ERMP1: variants seen among roughly 807,000 people sequenced by gnomAD.
ERMP1 encodes the protein endoplasmic reticulum metallopeptidase 1.
In ERMP1, 86 loss-of-function variants were observed where a neutral mutation model predicts 92.0. The observed-to-expected ratio is 0.93, with a 90% CI of 0.79 to 1.12. The LOEUF (loss-of-function observed/expected upper bound fraction) is 1.12. Among genes scored for constraint, ERMP1 ranks in the 50% most tolerant of loss-of-function variants. The probability of loss-of-function intolerance (pLI) is 0.00; values close to 1 mark genes in which losing one functional copy is unlikely to be tolerated. For missense variants in ERMP1, 1,342 were observed against 1,116.3 expected (o/e 1.20, Z -2.88); for synonymous variants, 530 against 412.8 (o/e 1.28, Z -3.44).
At chr9:5,833,191 C>T, upstream of ERMP1, 1 of 632,584 alleles carries the variant, frequency 1.6e-6, no homozygotes, top group East Asian at 3.4e-5. Flanking sequence ...GACCCAGCTT[C>T]TTTGGCAGTT....
At chr9:5,866,087 G>A (rs1177075674) in intron 5 of ERMP1, among the ~76,000 whole-genome samples, 5 of 151,764 alleles carry the variant, frequency 3.3e-5, no homozygotes, top group East Asian at 3.9e-4. Context: ...ATTGTTGTAC[G>A]GTAGAATATA....
At chr9:5,805,394 G>C (rs1828832325) in intron 9 of ERMP1, among the ~76,000 whole-genome samples, 177 bp from the exon 10 acceptor site, 1 of 151,986 alleles carries the variant, frequency 6.6e-6, no homozygotes, top group South Asian at 2.1e-4. Context: ...ATACAAATAA[G>C]AATAAAGCAA....
At chr9:5,802,142 C>T (rs987173175) in intron 10 of ERMP1, among the ~76,000 whole-genome samples, 3 of 152,074 alleles carry the variant, frequency 2.0e-5, no homozygotes, top group African/African-American at 4.8e-5. Context: ...AGATGGACAG[C>T]GAGGGTGACA....
chr9:5,806,889 G>A (rs117980606), intron 8 of ERMP1, among the ~76,000 whole-genome samples: 2,217 of 152,292 alleles, frequency 0.015, 22 homozygotes, highest in Non-Finnish European at 0.024. Context: ...AAGAGTTTCT[G>A]TGACGTGTTT....
intron 1 of ERMP1, among the ~76,000 whole-genome samples, chr9:5,832,230 G>A (rs1294557080): frequency 6.6e-6 from 1 of 152,148 alleles, no homozygotes; most frequent in East Asian, 1.9e-4. Flanking sequence ...GCCTTCAGAT[G>A]TGGGGGCTGT....
chr9:5,850,451 T>C lies in ERMP1; in HGVS notation n.3199+9017A>G, dbSNP rs144284549. Reference sequence around the variant, plus strand: ...AAAAGAAGAAGAAGAAAAAAAGAAATAGAAAATTCCCTGGCCTTCTGGGGT... The same window carrying C: ...AAAAGAAGAAGAAGAAAAAAAGAAACAGAAAATTCCCTGGCCTTCTGGGGT... On this transcript the variant is annotated intron_variant and non_coding_transcript_variant, in intron 6 of 6. Coordinates refer to the ERMP1 transcript ENST00000690753. Among the ~76,000 whole-genome samples, 261 of 68,894 alleles carry C rather than the reference T, an allele frequency of 3.8e-3. 2 individuals carry two copies. The Middle Eastern group carries it at 0.045, about 12-fold the overall frequency. The allele number at this position is 68,894 out of a possible 152,430, so 45.2% of individuals were successfully genotyped here. A position where few individuals can be genotyped will look rare whatever the true frequency, so the allele number is the denominator to read the frequency against.
intron 5 of ERMP1, among the ~76,000 whole-genome samples, chr9:5,866,213 G>C (rs538978680): frequency 1.3e-5 from 2 of 152,152 alleles, no homozygotes; most frequent in South Asian, 4.1e-4. Flanking sequence ...ATTGGTGTTG[G>C]GACTATATTG....
intron 6 of ERMP1, among the ~76,000 whole-genome samples, chr9:5,846,546 T>C (rs1483257577): frequency 6.6e-6 from 1 of 152,264 alleles, no homozygotes; most frequent in Non-Finnish European, 1.5e-5. Context: ...TTATGTCAGA[T>C]AGATTCCTCT....
At chr9:5,865,288 C>T (rs968488903) in intron 5 of ERMP1, among the ~76,000 whole-genome samples, 5 of 151,078 alleles carry the variant, frequency 3.3e-5, no homozygotes, top group East Asian at 2.0e-4. Context: ...GGGTGGATCA[C>T]GAGGTCAGGA....
intron 13 of ERMP1, among the ~76,000 whole-genome samples, chr9:5,797,507 G>A (rs1466803011): frequency 1.3e-5 from 2 of 152,040 alleles, no homozygotes; most frequent in African/African-American, 2.4e-5. Context: ...AATTAGCCAG[G>A]CATGGTGGCA....
intron 4 of ERMP1, among the ~76,000 whole-genome samples, chr9:5,821,844 T>A (rs528533242): frequency 1.3e-5 from 2 of 152,316 alleles, no homozygotes; most frequent in Non-Finnish European, 2.9e-5. Context: ...GCCCTGACAT[T>A]TTTCACAATA....
chr9:5,827,818 A>T (rs1383449676), intron 2 of ERMP1, among the ~76,000 whole-genome samples: 1 of 151,080 alleles, frequency 6.6e-6, no homozygotes, highest in Non-Finnish European at 1.5e-5. Context: ...CCGTCTCAAA[A>T]AAAAAAAAAA....
intron 4 of ERMP1, 69 bp from the exon 5 acceptor site, chr9:5,813,104 A>C: frequency 6.5e-7 from 1 of 1,545,350 alleles, no homozygotes; most frequent in Non-Finnish European, 8.9e-7. Flanking sequence ...AATGTTTTTC[A>C]ACACATAGAA....
Position 5,797,925 on chromosome 9 carries a change from A to T in ERMP1, c.2278T>A (p.Trp760Arg). ...LPVHFLIRKN[W>R]YLPAPEVSPR... ...GAAACTTCTGGGGCAGGAAGATACCAGTTTTTCCTATTTAGAAAGGAAGCT... is the reference window on the plus strand; with the variant it reads ...GAAACTTCTGGGGCAGGAAGATACCTGTTTTTCCTATTTAGAAAGGAAGCT... The change falls in exon 13 of 15, where the codon TGG (tryptophan) becomes AGG (arginine). Residue 760 changes from tryptophan (W) to arginine (R), a missense_variant. Physicochemically the swap from Trp to Arg is moderately radical, Grantham distance 101 (BLOSUM62 -3). Transcript: ENST00000339450. 6.2e-7 allele frequency: 1 copy of T among 1,603,648 alleles called. No individual in the cohort carries two copies. Among genetic ancestry groups the T allele is most frequent in the Non-Finnish European group, 8.5e-7 (1 of 1,171,522 alleles).
chr9:5,789,208 C>T (rs998021114), intron 13 of ERMP1, among the ~76,000 whole-genome samples: 7 of 151,698 alleles, frequency 4.6e-5, no homozygotes, highest in African/African-American at 1.7e-4. Context: ...CAAACAACTT[C>T]AAGACATAAC....
intron 4 of ERMP1, among the ~76,000 whole-genome samples, chr9:5,821,273 C>A (rs1829525189): frequency 6.6e-6 from 1 of 152,096 alleles, no homozygotes; most frequent in Admixed American, 6.5e-5. Context: ...ATTCATGAAG[C>A]AACAGAGAAT....
intron 11 of ERMP1, among the ~76,000 whole-genome samples, chr9:5,799,601 T>A (rs560672815): frequency 3.4e-4 from 52 of 152,300 alleles, no homozygotes; most frequent in African/African-American, 1.3e-3. Flanking sequence ...CCACTGACTG[T>A]TTTTATATAC....
chr9:5,829,235 AAAAC>A (rs1829848096), intron 2 of ERMP1, among the ~76,000 whole-genome samples: 3 of 152,106 alleles, frequency 2.0e-5, no homozygotes, highest in East Asian at 3.9e-4. Context: ...AAAAAAAAAA[AAAAC>A]ACTAAACCAC....
At chr9:5,829,387 T>C (rs1829854247) in intron 2 of ERMP1, among the ~76,000 whole-genome samples, 1 of 152,218 alleles carries the variant, frequency 6.6e-6, no homozygotes, top group African/African-American at 2.4e-5. Flanking sequence ...TGAATCATTT[T>C]ATCAAGCAAA....
Sources: allele counts gnomAD v4.1 joint callset (sites outside exome capture counted in the v4.1 genomes callset), GRCh38; gene constraint gnomAD v4.1.1; transcripts MANE v1.5; gene names NCBI Gene and HGNC (gene_info 2026-07-23, HGNC 2026-07-21).